The following CSNK2A1 variants were observed in gnomAD, a reference collection of about 807,000 sequenced individuals.
CSNK2A1 encodes casein kinase 2 alpha 1.
Under a neutral mutation model 62.9 loss-of-function variants are expected in CSNK2A1, and 10 were observed. That is an observed-to-expected ratio of 0.16 (90% CI 0.10 to 0.27). The LOEUF is 0.27. Ranked by LOEUF, CSNK2A1 falls within the 10% of genes least tolerant of loss-of-function variation. CSNK2A1 has a pLI of 1.00. For synonymous variants in CSNK2A1, 124 were observed against 167.8 expected, an observed-to-expected ratio of 0.74 and a Z score of 2.02; for missense variants, 160 against 492.0, an observed-to-expected ratio of 0.33 and a Z score of 6.38.
Position 474,062 on chromosome 20 carries a change from ATTATTT to A in CSNK2A1, c.*9893_*9898del, listed in dbSNP as rs985349785. ...CAAGGGACTGAGATAAAATTTATTT[ATTATTT>A]TTAAGAGAGAGGTTCTCACTCTGTC... is the stretch of plus-strand genomic sequence containing the variant. On this transcript the variant is annotated 3_prime_UTR_variant, in exon 14 of 14. Transcript: ENST00000217244. 1 of 152,298 alleles carries A rather than the reference ATTATTT, an allele frequency of 6.6e-6. No individual in the cohort carries two copies. Among genetic ancestry groups the A allele is most frequent in the East Asian group, 1.9e-4 (1 of 5,184 alleles). 9.4% of individuals were successfully genotyped at this position (152,298 alleles called of 1,614,324 possible).
intron 2 of CSNK2A1, among the ~76,000 whole-genome samples, chr20:521,887 C>T (rs891524118): frequency 6.6e-6 from 1 of 152,114 alleles, no homozygotes; most frequent in Non-Finnish European, 1.5e-5. Context: ...CTACACCTGA[C>T]CAACATGGTG....
chr20:487,353 G>T, intron 12 of CSNK2A1, 74 bp downstream of exon 12: 1 of 1,589,730 alleles, frequency 6.3e-7, no homozygotes, highest in Non-Finnish European at 8.6e-7. Flanking sequence ...AAGCTGACAG[G>T]AGCTGGGATT....
chr20:485,914 A>G (rs923401077), intron 13 of CSNK2A1, among the ~76,000 whole-genome samples: 3 of 152,218 alleles, frequency 2.0e-5, no homozygotes, highest in African/African-American at 7.2e-5. Context: ...ACAATGATCC[A>G]ATAATGGAAA....
chr20:509,604 C>G (rs1048489736), intron 2 of CSNK2A1, among the ~76,000 whole-genome samples: 19 of 152,196 alleles, frequency 1.2e-4, no homozygotes, highest in African/African-American at 4.1e-4. Flanking sequence ...AAGACAGGGT[C>G]TTATTCCACT....
At chr20:514,680 G>A (rs538333198) in intron 2 of CSNK2A1, among the ~76,000 whole-genome samples, 1 of 152,170 alleles carries the variant, frequency 6.6e-6, no homozygotes, top group Admixed American at 6.5e-5. Flanking sequence ...GGACTCAAGT[G>A]ATCCACCAGC....
At chr20:524,645 G>T (rs535476408) in intron 2 of CSNK2A1, among the ~76,000 whole-genome samples, 1 of 141,880 alleles carries the variant, frequency 7.0e-6, no homozygotes, top group African/African-American at 2.7e-5. Context: ...CTGGAGAATC[G>T]CTTGAACCTA....
At position 486,809 on chromosome 20, in the gene CSNK2A1, T is replaced by C. The variant is rs73892425; in HGVS notation, c.974-347A>G. On this transcript the variant is annotated intron_variant, in intron 12 of 13. Transcript: ENST00000217244. ...AAGACGGTAATATATTACCAGTGTG[T>C]CCACAGCCCAGTACCAAGTAGGCCA... 2.6e-3 allele frequency: 674 copies of C among 256,140 alleles called. 8 individuals carry two copies. Among genetic ancestry groups the C allele is most frequent in the African/African-American group, 0.013 (562 of 44,684 alleles). 15.9% of individuals were successfully genotyped at this position (256,140 alleles called of 1,614,324 possible). A position where few individuals can be genotyped will look rare whatever the true frequency, so the allele number is the denominator to read the frequency against.
At chr20:488,031 G>A in intron 11 of CSNK2A1, 1 of 169,400 alleles carries the variant, frequency 5.9e-6, no homozygotes, top group Non-Finnish European at 1.2e-5. Context: ...TCGGTTGTCT[G>A]CATATAGCCT....
At chr20:535,628 C>T (rs1400256838) in intron 1 of CSNK2A1, among the ~76,000 whole-genome samples, 1 of 151,494 alleles carries the variant, frequency 6.6e-6, no homozygotes, top group African/African-American at 2.4e-5. Flanking sequence ...GGGTGGCATG[C>T]ACCTGTAATC....
At chr20:485,423 C>T (rs937921383) in intron 13 of CSNK2A1, among the ~76,000 whole-genome samples, 4 of 151,902 alleles carry the variant, frequency 2.6e-5, no homozygotes, top group African/African-American at 7.3e-5. Context: ...CCTCAAGTGA[C>T]CCACCCGCCT....
At position 484,083 on chromosome 20, in the gene CSNK2A1, G is replaced by GA; in HGVS notation, c.1061-8dup. ...GTTGGCACTGAAGAAATCCCTGAAA[G>GA]AAAAGAGCTGTCAGTGAGCCAAAGA... On this transcript the variant is annotated splice_region_variant and splice_polypyrimidine_tract_variant and intron_variant, in intron 13 of 13. Transcript: ENST00000217244. 1 of 1,396,520 alleles carries GA rather than the reference G, an allele frequency of 7.2e-7. No individual in the cohort carries two copies. Among genetic ancestry groups the GA allele is most frequent in the Non-Finnish European group, 9.6e-7 (1 of 1,037,450 alleles). The allele number at this position is 1,396,520 out of a possible 1,614,324, so 86.5% of individuals were successfully genotyped here. A position where few individuals can be genotyped will look rare whatever the true frequency, so the allele number is the denominator to read the frequency against.
Position 480,927 on chromosome 20 carries a change from C to T in CSNK2A1, c.*3034G>A, listed in dbSNP as rs1332226740. On this transcript the variant is annotated 3_prime_UTR_variant, in exon 14 of 14. Coordinates refer to ENST00000217244, the MANE Select transcript of CSNK2A1 (RefSeq NM_177559.3). ...TTAGGACTATAGTAATTAGCCATAC[C>T]CTGAGGATCTACTTTACAAGATATA... The T allele has an allele frequency of 1.3e-5, 2 of 152,114 alleles. No homozygotes were observed. The highest frequency in any genetic ancestry group is 2.4e-5 in the African/African-American group (1 of 41,410). The allele number at this position is 152,114 out of a possible 1,614,324, so 9.4% of individuals were successfully genotyped here.
At position 480,231 on chromosome 20, in the gene CSNK2A1, AC is replaced by A. The variant is rs888301074; in HGVS notation, c.*3729del. ...TCTTTATGCAACAATACTTCCATTTACTTTGTGTGTGTGTGTGTGTGTGTGT... is the reference window on the plus strand; with the variant it reads ...TCTTTATGCAACAATACTTCCATTTATTTGTGTGTGTGTGTGTGTGTGTGT... On this transcript the variant is annotated 3_prime_UTR_variant, in exon 14 of 14. Transcript: ENST00000217244. 2.0e-5 allele frequency: 3 copies of A among 148,544 alleles called. No homozygotes were observed. The highest frequency in any genetic ancestry group is 7.5e-5 in the African/African-American group (3 of 39,746). 9.2% of individuals were successfully genotyped at this position (148,544 alleles called of 1,614,324 possible).
intron 2 of CSNK2A1, among the ~76,000 whole-genome samples, chr20:515,092 G>A (rs2018800263): frequency 6.6e-6 from 1 of 152,190 alleles, no homozygotes; most frequent in Non-Finnish European, 1.5e-5. Context: ...TACTCTGGCT[G>A]AGTGTGGGAC....
chr20:488,549 T>A (rs180695439), intron 11 of CSNK2A1, 129 bp downstream of exon 11: 2 of 869,604 alleles, frequency 2.3e-6, no homozygotes, highest in East Asian at 2.6e-5. Flanking sequence ...TGCAGCATCC[T>A]GTGGCACTGG....
At chr20:506,523 C>T (rs2018605696) in intron 3 of CSNK2A1, 1 of 152,154 alleles carries the variant, frequency 6.6e-6, no homozygotes, top group African/African-American at 2.4e-5. Context: ...CATTTTCCTC[C>T]TGCCCCTGCC....
intron 3 of CSNK2A1, 125 bp from the exon 4 acceptor site, chr20:505,354 T>G (rs1251793178): frequency 1.0e-5 from 4 of 397,400 alleles, no homozygotes; most frequent in Non-Finnish European, 1.6e-5. Flanking sequence ...CAAATAGGTT[T>G]TTTTTTTTTT....
Position 539,099 on chromosome 20 carries a change from C to G in CSNK2A1, c.-227+4573G>C, listed in dbSNP as rs1338038781. ...TCTTTGTTCTCTAGAAAATGATATC[C>G]CAAAGACTCTAAAATAAAACCAGCA... On this transcript the variant is annotated intron_variant, in intron 1 of 13. Transcript: ENST00000217244. 2.0e-5 allele frequency: 3 copies of G among 152,206 alleles called. No individual in the cohort carries two copies. The East Asian group carries it at 5.8e-4, about 29-fold the overall frequency. The allele number at this position is 152,206 out of a possible 1,614,324, so 9.4% of individuals were successfully genotyped here. A position where few individuals can be genotyped will look rare whatever the true frequency, so the allele number is the denominator to read the frequency against.
rs1274313746 is a variant in CSNK2A1 at position 484,813 on chromosome 20, T to C, written c.1061-737A>G. Among the ~76,000 whole-genome samples the C allele has an allele frequency of 2.6e-5, 4 of 151,678 alleles. No homozygotes were observed. The East Asian group carries it at 7.8e-4, about 30-fold the overall frequency. ...CAGGTGCAGTGTCTCACGCCTGTAA[T>C]GCCAGCACTTTGGGAGGCCAAGTTG... On this transcript the variant is annotated intron_variant, in intron 13 of 13. Coordinates refer to ENST00000217244, the MANE Select transcript of CSNK2A1 (RefSeq NM_177559.3).
Sources: allele counts gnomAD v4.1 joint callset (sites outside exome capture counted in the v4.1 genomes callset), GRCh38; gene constraint gnomAD v4.1.1; transcripts MANE v1.5; gene names NCBI Gene and HGNC (gene_info 2026-07-23, HGNC 2026-07-21).